PRPSAP2: variants seen among roughly 807,000 people sequenced by gnomAD.
PRPSAP2 encodes phosphoribosyl pyrophosphate synthetase associated protein 2.
PRPSAP2 carries 24 observed loss-of-function variants against 40.6 expected under a neutral mutation model. The ratio of observed to expected loss-of-function variants is 0.59; its 90% confidence interval spans 0.43 to 0.83. The LOEUF is 0.83. Among genes scored for constraint, PRPSAP2 ranks in the 40% least tolerant of loss-of-function variants. The pLI is 0.00. For synonymous variants in PRPSAP2, 149 were observed against 164.7 expected, an observed-to-expected ratio of 0.90 and a Z score of 0.73; for missense variants, 292 against 465.6, an observed-to-expected ratio of 0.63 and a Z score of 3.43.
chr17:18,891,075 T>TA (rs530156888), intron 8 of PRPSAP2, among the ~76,000 whole-genome samples: 253 of 152,294 alleles, frequency 1.7e-3, no homozygotes, highest in African/African-American at 5.9e-3. Context: ...GCCTTTTTCC[T>TA]AAAAAAGCCC....
chr17:18,859,743 G>A (rs1411925435), intron 1 of PRPSAP2: 1 of 152,046 alleles, frequency 6.6e-6, no homozygotes, highest in Non-Finnish European at 1.5e-5. Context: ...TACATAATAA[G>A]TTTTTTTATT....
At chr17:18,909,537 C>T (rs931689043) in intron 8 of PRPSAP2, among the ~76,000 whole-genome samples, 1 of 152,074 alleles carries the variant, frequency 6.6e-6, no homozygotes, top group African/African-American at 2.4e-5. Context: ...AGCCACTGCG[C>T]CCGGCCTATG....
intron 8 of PRPSAP2, among the ~76,000 whole-genome samples, chr17:18,907,552 ACTGACAGTC>A (rs2040673077): frequency 6.6e-6 from 1 of 152,208 alleles, no homozygotes; most frequent in Admixed American, 6.6e-5. Flanking sequence ...GCTGGATCTG[ACTGACAGTC>A]ATAGCACACC....
At chr17:18,873,111 G>A (rs2038012083) in intron 5 of PRPSAP2, among the ~76,000 whole-genome samples, 1 of 150,096 alleles carries the variant, frequency 6.7e-6, no homozygotes, top group Non-Finnish European at 1.5e-5. Context: ...CAAAGTGGTG[G>A]GATTACAGGT....
chr17:18,894,299 ACAGG>A (rs2039772574), intron 8 of PRPSAP2, among the ~76,000 whole-genome samples: 1 of 151,816 alleles, frequency 6.6e-6, no homozygotes, highest in African/African-American at 2.4e-5. Flanking sequence ...AGCTGGGATT[ACAGG>A]CATGCGCCAC....
rs1485153342 is a variant in PRPSAP2 at position 18,867,284 on chromosome 17, G to A, written c.122G>A (p.Arg41Gln). 1 of 1,613,882 alleles carries A rather than the reference G, an allele frequency of 6.2e-7. No individual in the cohort carries two copies. Among genetic ancestry groups the A allele is most frequent in the South Asian group, 1.1e-5 (1 of 91,066 alleles). Residue 41 changes from arginine (R) to glutamine (Q), a missense_variant and splice_region_variant, in exon 4 of 12, where the codon CGG becomes CAG. Arg to Gln is a conservative substitution (Grantham distance 43). This residue lies in a region of PRPSAP2 where 241 missense variants were observed against 425.7 expected (regional missense o/e 0.57). Coordinates refer to ENST00000268835, the MANE Select transcript of PRPSAP2 (RefSeq NM_002767.4). Reference sequence around the variant, plus strand: ...TTTTCCCCCTTTCTCTTCTCTAGGCGGCTAGGGGTGGAGATGGGCAAAGTG... The same window carrying A: ...TTTTCCCCCTTTCTCTTCTCTAGGCAGCTAGGGGTGGAGATGGGCAAAGTG... ...CMELSKKIAE[R>Q]LGVEMGKVQV...
chr17:18,890,778 ATT>A (rs1188679569), intron 8 of PRPSAP2, among the ~76,000 whole-genome samples: 1 of 131,144 alleles, frequency 7.6e-6, no homozygotes, highest in Non-Finnish European at 1.7e-5. Flanking sequence ...ACTGCCCCTT[ATT>A]TGAGGAACTC....
intron 6 of PRPSAP2, among the ~76,000 whole-genome samples, chr17:18,879,530 C>T (rs532605582): frequency 2.8e-4 from 43 of 151,990 alleles, no homozygotes; most frequent in East Asian, 5.9e-4. Flanking sequence ...CTCGGCTCAC[C>T]GCAACCTCCA....
intron 8 of PRPSAP2, among the ~76,000 whole-genome samples, chr17:18,890,212 C>T (rs896934316): frequency 6.6e-6 from 1 of 151,608 alleles, no homozygotes; most frequent in Admixed American, 6.6e-5. Context: ...TCTTGTTGCC[C>T]AAGCTGGAGT....
At chr17:18,877,633 CTT>C in intron 5 of PRPSAP2, 63 bp from the exon 6 acceptor site, 2 of 1,476,862 alleles carry the variant, frequency 1.4e-6, no homozygotes, top group Non-Finnish European at 1.8e-6. Flanking sequence ...ACTGCTGACA[CTT>C]TTTGGAACAG....
chr17:18,883,750 C>T (rs1319840156), intron 7 of PRPSAP2, among the ~76,000 whole-genome samples: 1 of 152,000 alleles, frequency 6.6e-6, no homozygotes, highest in Non-Finnish European at 1.5e-5. Flanking sequence ...CTTCTTTTTA[C>T]AGTACTGTAT....
chr17:18,928,335 C>T (rs1430110512), intron 10 of PRPSAP2: 2 of 187,604 alleles, frequency 1.1e-5, no homozygotes, highest in Admixed American at 1.1e-4. Context: ...ACATATTTCC[C>T]ATATGCTCAG....
At chr17:18,919,370 TG>T (rs1192860005) in intron 9 of PRPSAP2, among the ~76,000 whole-genome samples, 1 of 152,076 alleles carries the variant, frequency 6.6e-6, no homozygotes, top group Non-Finnish European at 1.5e-5. Context: ...TAGCCAGGTG[TG>T]GTGGTTCGTG....
intron 8 of PRPSAP2, among the ~76,000 whole-genome samples, chr17:18,909,494 T>G (rs935980209): frequency 6.6e-6 from 1 of 151,976 alleles, no homozygotes; most frequent in African/African-American, 2.4e-5. Flanking sequence ...TCCGCCCACC[T>G]TGGCCTCCCA....
chr17:18,863,853 T>TTTA (rs71155364), intron 1 of PRPSAP2, among the ~76,000 whole-genome samples: 7 of 140,044 alleles, frequency 5.0e-5, no homozygotes, highest in Admixed American at 1.4e-4. Context: ...TTTTTTTTTT[T>TTTA]AATTTTTTAG....
chr17:18,877,576 T>C (rs1264041674), intron 5 of PRPSAP2, 122 bp from the exon 6 acceptor site: 3 of 804,884 alleles, frequency 3.7e-6, no homozygotes, highest in African/African-American at 4.4e-5. Flanking sequence ...TATTGGTTGG[T>C]TTTTTTCTGC....
chr17:18,920,075 C>T (rs2041607317), intron 9 of PRPSAP2, among the ~76,000 whole-genome samples: 2 of 152,144 alleles, frequency 1.3e-5, no homozygotes, highest in Non-Finnish European at 2.9e-5. Context: ...CTTGCCTGGC[C>T]TCAGAGGGGC....
chr17:18,883,898 G>A lies in PRPSAP2; in HGVS notation c.528+1215G>A, dbSNP rs140449834. Among the ~76,000 whole-genome samples, 467 of 151,678 alleles carry A rather than the reference G, an allele frequency of 3.1e-3. 1 individual carries two copies. Among genetic ancestry groups the A allele is most frequent in the Non-Finnish European group, 3.6e-3 (246 of 67,952 alleles). On this transcript the variant is annotated intron_variant, in intron 7 of 11. Coordinates refer to ENST00000268835, the MANE Select transcript of PRPSAP2 (RefSeq NM_002767.4). ...TGTTATAAGTCCTTATAGAGAAAAT[G>A]AATTTAAGTATTTTTGAAAGAGAAA... is the stretch of plus-strand genomic sequence containing the variant.
At chr17:18,901,787 C>CT (rs992879325) in intron 8 of PRPSAP2, among the ~76,000 whole-genome samples, 29 of 151,772 alleles carry the variant, frequency 1.9e-4, no homozygotes, top group Non-Finnish European at 8.8e-5. Context: ...TGTTTTGATA[C>CT]TTTTTTTTCC....
Sources: allele counts gnomAD v4.1 joint callset (sites outside exome capture counted in the v4.1 genomes callset), GRCh38; gene constraint gnomAD v4.1.1; regional missense constraint gnomAD v4.1.1; transcripts MANE v1.5; gene names NCBI Gene and HGNC (gene_info 2026-07-23, HGNC 2026-07-21).